PTPDC1: variants seen among roughly 807,000 people sequenced by gnomAD.
PTPDC1 encodes protein tyrosine phosphatase domain containing 1, also known as protein tyrosine phosphatase domain-containing protein 1.
PTPDC1 carries 53 observed loss-of-function variants against 75.3 expected under a neutral mutation model. The observed-to-expected ratio is 0.70, with a 90% CI of 0.56 to 0.88. The LOEUF (loss-of-function observed/expected upper bound fraction) is 0.88. Ranked by LOEUF, PTPDC1 falls within the 40% of genes least tolerant of loss-of-function variation. The pLI is 0.00. For synonymous variants in PTPDC1, 349 were observed against 366.2 expected, an observed-to-expected ratio of 0.95 and a Z score of 0.54; for missense variants, 925 against 998.6, an observed-to-expected ratio of 0.93 and a Z score of 0.99.
At chr9:94,105,914 A>G (rs1281907061) in intron 8 of PTPDC1, among the ~76,000 whole-genome samples, 2 of 152,030 alleles carry the variant, frequency 1.3e-5, no homozygotes, top group African/African-American at 4.8e-5. Flanking sequence ...CGGAGCTTGC[A>G]GTGAGCCAAG....
intron 2 of PTPDC1, among the ~76,000 whole-genome samples, chr9:94,069,843 GA>G (rs1342659846): frequency 5.5e-5 from 2 of 36,136 alleles, no homozygotes; most frequent in African/African-American, 1.1e-4. Flanking sequence ...TTTTTTTTTT[GA>G]GACGGAGTCT....
At chr9:94,036,033 TTG>T (rs202173008) in intron 1 of PTPDC1, among the ~76,000 whole-genome samples, 7,869 of 142,822 alleles carry the variant, frequency 0.055, 563 homozygotes, top group Non-Finnish European at 0.085. Flanking sequence ...GTTTTTTTTT[TTG>T]TTTTTTTTTT....
intron 1 of PTPDC1, among the ~76,000 whole-genome samples, chr9:94,042,963 C>T (rs1825474419): frequency 6.6e-6 from 1 of 152,186 alleles, no homozygotes; most frequent in African/African-American, 2.4e-5. Flanking sequence ...AAAGCAGTCC[C>T]TCCTTCATTC....
chr9:94,068,761 G>A (rs1034222517), intron 2 of PTPDC1, among the ~76,000 whole-genome samples: 6 of 152,074 alleles, frequency 3.9e-5, no homozygotes, highest in East Asian at 1.9e-4. Flanking sequence ...CCAACCCTCC[G>A]ATAACTGGAG....
chr9:94,049,722 G>A (rs1215112914), intron 1 of PTPDC1, among the ~76,000 whole-genome samples: 1 of 152,104 alleles, frequency 6.6e-6, no homozygotes, highest in African/African-American at 2.4e-5. Flanking sequence ...GAGTATCTTT[G>A]TGGCGTTCTC....
chr9:94,104,199 C>T lies in PTPDC1; in HGVS notation c.2200-76C>T, dbSNP rs913402680. On this transcript the variant is annotated intron_variant, in intron 7 of 8. Coordinates refer to ENST00000620992, the MANE Select transcript of PTPDC1 (RefSeq NM_001253829.2). ...TACTTGGTCACAAACCAATTCTTGA[C>T]TCTACGATAGTTTTGAATTGATTTA... The T allele has an allele frequency of 4.3e-6, 4 of 927,012 alleles. No individual in the cohort carries two copies. In the African/African-American group the frequency reaches 4.8e-5, roughly 11 times the overall value. The allele number at this position is 927,012 out of a possible 1,614,324, so 57.4% of individuals were successfully genotyped here.
At chr9:94,055,436 A>T (rs1204156193) in intron 1 of PTPDC1, among the ~76,000 whole-genome samples, 1 of 152,238 alleles carries the variant, frequency 6.6e-6, no homozygotes, top group Non-Finnish European at 1.5e-5. Flanking sequence ...TTAAACTTGG[A>T]AGCAACCAAG....
intron 1 of PTPDC1, among the ~76,000 whole-genome samples, chr9:94,057,698 C>T (rs1457458372): frequency 6.6e-6 from 1 of 152,130 alleles, no homozygotes; most frequent in African/African-American, 2.4e-5. Flanking sequence ...AGAGTCAAGA[C>T]TCAAACACAG....
Position 94,097,552 on chromosome 9 carries a change from A to G in PTPDC1, c.986A>G (p.His329Arg), listed in dbSNP as rs764797244. The change falls in exon 6 of 9, where the codon CAT becomes CGT. Residue 329 changes from histidine (H) to arginine (R), a missense_variant. His to Arg is a conservative substitution (Grantham distance 29). Transcript: ENST00000620992. ...CTAATTCGCCAGCGTCATCTGCTTCATGGTTATGAGGCACGACTTCTGAAA... is the reference window on the plus strand; with the variant it reads ...CTAATTCGCCAGCGTCATCTGCTTCGTGGTTATGAGGCACGACTTCTGAAA... ...QYLIRQRHLLHGYEARLLKHV... is the reference protein window; with the variant it reads ...QYLIRQRHLLRGYEARLLKHV... The G allele has an allele frequency of 4.3e-6, 7 of 1,613,978 alleles. No individual in the cohort carries two copies. The highest frequency in any genetic ancestry group is 5.9e-6 in the Non-Finnish European group (7 of 1,180,048).
At chr9:94,065,511 G>A (rs1342461110) in intron 2 of PTPDC1, among the ~76,000 whole-genome samples, 4 of 152,254 alleles carry the variant, frequency 2.6e-5, no homozygotes, top group Non-Finnish European at 5.9e-5. Context: ...CCTAAGTATG[G>A]ATTAGATGAT....
At chr9:94,096,350 G>A (rs1827567807) in intron 5 of PTPDC1, among the ~76,000 whole-genome samples, 1 of 152,136 alleles carries the variant, frequency 6.6e-6, no homozygotes, top group South Asian at 2.1e-4. Context: ...TAGCTCTGCA[G>A]ACATTTTACA....
rs556761512 is a variant in PTPDC1, at chr9:94,051,996, T to C, written c.-6-12738T>C. ...TTTCTAAAATATGCTTTTACTGCTATAAGTTTCTCTCTAAACATTACTTTA... is the reference window on the plus strand; with the variant it reads ...TTTCTAAAATATGCTTTTACTGCTACAAGTTTCTCTCTAAACATTACTTTA... On this transcript the variant is annotated intron_variant, in intron 1 of 9. Coordinates refer to the PTPDC1 transcript ENST00000375360. 3.9e-5 allele frequency among the ~76,000 whole-genome samples: 6 copies of C among 152,288 alleles called. No homozygotes were observed. In the South Asian group the frequency reaches 1.2e-3, roughly 32 times the overall value.
intron 2 of PTPDC1, 105 bp from the exon 3 acceptor site, chr9:94,087,726 T>C: frequency 2.7e-6 from 2 of 728,830 alleles, no homozygotes; most frequent in Non-Finnish European, 4.8e-6. Context: ...TCTAACAGAG[T>C]TGTTGAAATC....
chr9:94,077,966 T>C (rs567088617), intron 2 of PTPDC1, among the ~76,000 whole-genome samples: 16 of 152,326 alleles, frequency 1.1e-4, no homozygotes, highest in African/African-American at 3.8e-4. Context: ...AGACCAAATA[T>C]GTATTTCACA....
intron 3 of PTPDC1, 29 bp from the exon 4 acceptor site, chr9:94,088,116 A>G (rs1307867853): frequency 1.9e-6 from 3 of 1,608,196 alleles, no homozygotes; most frequent in Middle Eastern, 1.8e-4. Flanking sequence ...CTAGCTCCCA[A>G]TATGACTGAC....
rs762391987 is a variant in PTPDC1, at chr9:94,097,661, C to T, written c.1095C>T (p.Ser365=). The part of the protein sequence containing the change: ...ENRPVMMKDV[S]EGPGLSAEIE... The stretch of plus-strand genomic sequence containing the variant: ...GGCCAGTGATGATGAAGGATGTGTC[C>T]GAAGGACCTGGTCTCTCTGCTGAAA... Residue 365 remains serine, a synonymous_variant, in exon 6 of 9, where the codon TCC becomes TCT. Coordinates refer to ENST00000620992, the MANE Select transcript of PTPDC1 (RefSeq NM_001253829.2). The T allele has an allele frequency of 9.9e-6, 16 of 1,614,040 alleles. No individual in the cohort carries two copies. The highest frequency in any genetic ancestry group is 3.3e-5 in the South Asian group (3 of 91,068).
chr9:94,103,547 C>G (rs1272273534), intron 7 of PTPDC1, among the ~76,000 whole-genome samples: 1 of 152,166 alleles, frequency 6.6e-6, no homozygotes, highest in Non-Finnish European at 1.5e-5. Flanking sequence ...TTTTTACTTT[C>G]ATAGGCGTCA....
intron 7 of PTPDC1, among the ~76,000 whole-genome samples, chr9:94,103,021 C>T (rs972974073): frequency 1.4e-4 from 13 of 91,686 alleles, no homozygotes; most frequent in Non-Finnish European, 2.5e-4. Context: ...CACACACACA[C>T]GGACACATGG....
intron 8 of PTPDC1, among the ~76,000 whole-genome samples, chr9:94,107,294 T>C (rs1165913254): frequency 6.6e-6 from 1 of 152,180 alleles, no homozygotes; most frequent in Non-Finnish European, 1.5e-5. Context: ...GTTAGACTCA[T>C]AGATACGCTA....
Sources: gnomAD v4.1 joint callset for allele counts (sites outside exome capture counted in the v4.1 genomes callset) on GRCh38, gnomAD v4.1.1 for gene constraint, MANE v1.5 for transcripts, NCBI Gene and HGNC (gene_info 2026-07-23, HGNC 2026-07-21) for gene names.